The following MPV17 variants were observed in gnomAD, a reference collection of about 807,000 sequenced individuals.
The protein encoded by MPV17 is MPV17, mitochondrial inner membrane protein.
Under a neutral mutation model 28.6 loss-of-function variants are expected in MPV17, and 31 were observed. The observed-to-expected ratio is 1.08, with a 90% confidence interval of 0.81 to 1.46. The LOEUF (loss-of-function observed/expected upper bound fraction) is 1.46, where lower values mean the gene tolerates loss of function less well. Among genes scored for constraint, MPV17 ranks in the 40% most tolerant of loss-of-function variants. MPV17 has a pLI of 0.00. For missense variants in MPV17, 198 were observed against 216.2 expected, an observed-to-expected ratio of 0.92 and a Z score of 0.53; for synonymous variants, 87 against 85.3, an observed-to-expected ratio of 1.02 and a Z score of -0.11.
At chr2:27,310,917 G>A (rs1029610453) in intron 7 of MPV17, among the ~76,000 whole-genome samples, 8 of 148,028 alleles carry the variant, frequency 5.4e-5, no homozygotes, top group African/African-American at 2.0e-4. Flanking sequence ...GCTAATTTTT[G>A]TATTTTTAGT....
intron 2 of MPV17, among the ~76,000 whole-genome samples, chr2:27,321,334 G>C (rs1679851667): frequency 6.6e-6 from 1 of 152,192 alleles, no homozygotes; most frequent in Admixed American, 6.5e-5. Context: ...AGGTGGTTGG[G>C]CACCGGAGAC....
At chr2:27,311,309 C>T (rs1381034155) in intron 7 of MPV17, 51 of 420,180 alleles carry the variant, frequency 1.2e-4, no homozygotes, top group South Asian at 1.1e-3. Flanking sequence ...AAACCTCTTG[C>T]CTCAGCCTCC....
chr2:27,313,293 C>T, intron 2 of MPV17, 184 bp from the exon 3 acceptor site: 1 of 1,339,048 alleles, frequency 7.5e-7, no homozygotes, highest in Non-Finnish European at 1.0e-6. Flanking sequence ...ATGATGGTGA[C>T]ACCTCATGTG....
intron 7 of MPV17, chr2:27,311,463 C>T: frequency 1.1e-6 from 1 of 890,356 alleles, no homozygotes; most frequent in Non-Finnish European, 1.7e-6. Flanking sequence ...CACCTTCAAG[C>T]ATTTGAACCA....
chr2:27,321,689 G>T (rs1455718293), intron 2 of MPV17, among the ~76,000 whole-genome samples: 4 of 152,128 alleles, frequency 2.6e-5, no homozygotes, highest in Non-Finnish European at 5.9e-5. Flanking sequence ...ATGCAGGTAG[G>T]TCACTGCATT....
At position 27,312,776 on chromosome 2, in the gene MPV17, G is replaced by A. The variant is rs749624555; in HGVS notation, c.187-4C>T. On this transcript the variant is annotated splice_polypyrimidine_tract_variant and splice_region_variant and intron_variant, in intron 3 of 7. Transcript: ENST00000380044. ...ACCAGCCTCCTACCACAGGGCCCTG[G>A]AAGTAAACCCCAGATAGCAGCAGGC... The A allele has an allele frequency of 1.9e-6, 3 of 1,613,916 alleles. No homozygotes were observed. In the South Asian group the frequency reaches 3.3e-5, roughly 18 times the overall value.
At chr2:27,316,711 TG>T in intron 2 of MPV17, 1 of 230,750 alleles carries the variant, frequency 4.3e-6, no homozygotes, top group Admixed American at 5.3e-5. Flanking sequence ...TCCAGTGCTC[TG>T]GGCCCCCTCC....
rs1032915745 is a variant in MPV17 at position 27,317,842 on chromosome 2, C to G, written c.70+4606G>C. Among the ~76,000 whole-genome samples, 1 of 152,176 alleles carries G rather than the reference C, an allele frequency of 6.6e-6. No homozygotes were observed. The highest frequency in any genetic ancestry group is 1.5e-5 in the Non-Finnish European group (1 of 68,036). Reference sequence around the variant, plus strand: ...AAACCTTTCCCCAGGCTACCTTGTTCTGGACTCTGGCTTGGCCAAAACTGG... The same window carrying G: ...AAACCTTTCCCCAGGCTACCTTGTTGTGGACTCTGGCTTGGCCAAAACTGG... On this transcript the variant is annotated intron_variant, in intron 2 of 7. Transcript: ENST00000380044. The surrounding 1 kb of genome is among the most constrained non-coding windows in gnomAD (Gnocchi z 4.0).
At chr2:27,322,409 T>C (rs1679892919) in intron 2 of MPV17, 39 bp downstream of exon 2, 3 of 1,567,456 alleles carry the variant, frequency 1.9e-6, no homozygotes, top group Non-Finnish European at 2.6e-6. Context: ...TCCAAATCAG[T>C]CTGCCCTGGT....
chr2:27,316,668 G>C, intron 2 of MPV17: 1 of 210,890 alleles, frequency 4.7e-6, no homozygotes, highest in Non-Finnish European at 9.4e-6. Flanking sequence ...GCCTCTGGGA[G>C]ATCTCCTGGA....
At chr2:27,316,755 A>T (rs984758835) in intron 2 of MPV17, 8 of 267,740 alleles carry the variant, frequency 3.0e-5, no homozygotes, top group East Asian at 8.1e-5. Flanking sequence ...TTGGGACTGG[A>T]GGCCTGCAGA....
At chr2:27,312,897 G>T in intron 3 of MPV17, 97 bp downstream of exon 3, 1 of 1,537,694 alleles carries the variant, frequency 6.5e-7, no homozygotes, top group Non-Finnish European at 9.0e-7. Context: ...AGGGCGGCAG[G>T]TTGGCTTAGG....
chr2:27,317,310 C>T lies in MPV17; in HGVS notation c.71-4201G>A, dbSNP rs554595650. ...CCCAGAGGGAGTGGAAGCCCAGCAG[C>T]GGGAGGGGAGTGGATCCTCTGGGAT... On this transcript the variant is annotated intron_variant, in intron 2 of 7. Transcript: ENST00000380044. The surrounding 1 kb of genome is among the most constrained non-coding windows in gnomAD (Gnocchi z 4.0). The T allele has an allele frequency of 5.0e-5, 65 of 1,289,826 alleles. 1 individual carries two copies. The highest frequency in any genetic ancestry group is 5.0e-5 in the South Asian group (3 of 60,440). The allele number at this position is 1,289,826 out of a possible 1,614,324, so 79.9% of individuals were successfully genotyped here.
chr2:27,311,348 A>C (rs899826074), intron 7 of MPV17: 1 of 520,296 alleles, frequency 1.9e-6, no homozygotes, highest in Non-Finnish European at 3.5e-6. Context: ...GGTGTGAGCC[A>C]CCGTGCCCAG....
rs939322591 is a variant in MPV17 at position 27,317,872 on chromosome 2, C to T, written c.70+4576G>A. Among the ~76,000 whole-genome samples the T allele has an allele frequency of 2.9e-4, 44 of 152,318 alleles. No homozygotes were observed. The highest frequency in any genetic ancestry group is 4.0e-4 in the Non-Finnish European group (27 of 68,034). ...CTCTGGCTTGGCCAAAACTGGTATA[C>T]TAGACATTTCTTTTGAATCATTTCA... On this transcript the variant is annotated intron_variant, in intron 2 of 7. Transcript: ENST00000380044. This position sits in a 1 kb window ranked among gnomAD's most constrained non-coding sequence, Gnocchi z 4.0.
At chr2:27,312,067 A>T (rs995792006) in intron 6 of MPV17, 116 bp from the exon 7 acceptor site, 3 of 1,466,558 alleles carry the variant, frequency 2.0e-6, no homozygotes, top group Non-Finnish European at 2.9e-6. Flanking sequence ...CAGTTGGGTG[A>T]TGGCTTCCCT....
At chr2:27,313,784 C>T (rs989726507) in intron 2 of MPV17, among the ~76,000 whole-genome samples, 1 of 152,156 alleles carries the variant, frequency 6.6e-6, no homozygotes, top group Non-Finnish European at 1.5e-5. Flanking sequence ...ATGATCTTGG[C>T]TCACTGCAAC....
At chr2:27,312,087 GC>G in intron 6 of MPV17, 126 bp downstream of exon 6, 1 of 1,445,048 alleles carries the variant, frequency 6.9e-7, no homozygotes, top group Non-Finnish European at 9.7e-7. Flanking sequence ...TATTTATGGT[GC>G]CCATCCTGGG....
In MPV17 at chr2:27,317,379, G is replaced by T; in HGVS notation, c.71-4270C>A. ...ATTTCTGACCTGAACCCATCCTACT[G>T]CTAGAAAATGAGACAAAACGGGTAG... is the stretch of plus-strand genomic sequence containing the variant. On this transcript the variant is annotated intron_variant, in intron 2 of 7. Transcript: ENST00000380044. This position sits in a 1 kb window ranked among gnomAD's most constrained non-coding sequence, Gnocchi z 4.0. 2 of 673,500 alleles carry T rather than the reference G, an allele frequency of 3.0e-6. No individual in the cohort carries two copies. The highest frequency in any genetic ancestry group is 4.7e-6 in the Non-Finnish European group (2 of 426,460). The allele number at this position is 673,500 out of a possible 1,614,324, so 41.7% of individuals were successfully genotyped here.
Sources: allele counts gnomAD v4.1 joint callset (sites outside exome capture counted in the v4.1 genomes callset), GRCh38; gene constraint gnomAD v4.1.1; non-coding constraint Gnocchi (gnomAD v3.1); transcripts MANE v1.5; gene names NCBI Gene and HGNC (gene_info 2026-07-23, HGNC 2026-07-21).